Variants in UBE3A observed in about 807,000 individuals in gnomAD.
The protein encoded by UBE3A is ubiquitin-protein ligase E3A.
UBE3A carries 6 observed loss-of-function variants against 83.4 expected under a neutral mutation model. The ratio of observed to expected loss-of-function variants is 0.07; its 90% CI spans 0.04 to 0.14. The LOEUF is 0.14. Among genes scored for constraint, UBE3A ranks in the 10% least tolerant of loss-of-function variants. UBE3A has a pLI of 1.00. For missense variants in UBE3A, 456 were observed against 1,036.1 expected, an observed-to-expected ratio of 0.44 and a Z score of 7.69; for synonymous variants, 337 against 355.4, an observed-to-expected ratio of 0.95 and a Z score of 0.58.
At chr15:25,420,249 G>A (rs1288652177) in intron 1 of UBE3A, among the ~76,000 whole-genome samples, 1 of 152,092 alleles carries the variant, frequency 6.6e-6, no homozygotes, top group East Asian at 1.9e-4. Flanking sequence ...CATTACCAGC[G>A]ATAAACAGAG....
chr15:25,386,025 T>A (rs2083065556), intron 4 of UBE3A, among the ~76,000 whole-genome samples: 1 of 152,146 alleles, frequency 6.6e-6, no homozygotes, highest in African/African-American at 2.4e-5. Flanking sequence ...CAGGAGAAAC[T>A]AGTTAACCAG....
In UBE3A at chr15:25,423,686, C is replaced by T. The variant is rs186270936; in HGVS notation, c.-164-11715G>A. 3.2e-4 allele frequency among the ~76,000 whole-genome samples: 49 copies of T among 151,834 alleles called. No homozygotes were observed. The East Asian group carries it at 9.3e-3, about 29-fold the overall frequency. On this transcript the variant is annotated intron_variant, in intron 1 of 12. Transcript: ENST00000648336. ...CTTTTCCATCCTTTTTTCTGTTTTTCCTCTTTTCCCCCCACAAGCTTATAT... is the reference window on the plus strand; with the variant it reads ...CTTTTCCATCCTTTTTTCTGTTTTTTCTCTTTTCCCCCCACAAGCTTATAT...
At position 25,420,493 on chromosome 15, in the gene UBE3A, T is replaced by C. The variant is rs147235507; in HGVS notation, c.-164-8522A>G. 6.2e-3 allele frequency among the ~76,000 whole-genome samples: 950 copies of C among 152,204 alleles called. 16 individuals are homozygous for C. Among genetic ancestry groups the C allele is most frequent in the Middle Eastern group, 0.01 (3 of 294 alleles). On this transcript the variant is annotated intron_variant, in intron 1 of 12. Coordinates refer to ENST00000648336, the MANE Select transcript of UBE3A (RefSeq NM_130839.5). ...GATACAGAAGAAATACATTTATCTATCTGACAAAGAACATATGTTCTGAAA... is the reference window on the plus strand; with the variant it reads ...GATACAGAAGAAATACATTTATCTACCTGACAAAGAACATATGTTCTGAAA...
chr15:25,405,488 T>A lies in UBE3A; in HGVS notation c.35A>T (p.Gln12Leu). The change falls in exon 4 of 13, where the codon CAG (glutamine) becomes CTG (leucine). Residue 12 changes from glutamine (Q) to leucine (L), a missense_variant. Transcript: ENST00000648336. The stretch of plus-strand genomic sequence containing the variant: ...TCGGCTAGCTTCAATGTCGTCAGAC[T>A]GAGGTTCTCCTGATCTGTAAAATGC... ...ATACKRSGEPQSDDIEASRMK... is the reference protein window; with the variant it reads ...ATACKRSGEPLSDDIEASRMK... 1 of 1,613,926 alleles carries A rather than the reference T, an allele frequency of 6.2e-7. No homozygotes were observed.
intron 4 of UBE3A, among the ~76,000 whole-genome samples, chr15:25,398,794 T>C (rs866563717): frequency 2.8e-5 from 2 of 72,592 alleles, no homozygotes; most frequent in African/African-American, 9.6e-5. Context: ...TATATATATA[T>C]ATATATATAT....
intron 4 of UBE3A, among the ~76,000 whole-genome samples, chr15:25,387,854 G>T (rs540004230): frequency 6.6e-6 from 1 of 152,102 alleles, no homozygotes; most frequent in Non-Finnish European, 1.5e-5. Context: ...TTACGGCCAC[G>T]AATTTGGTAA....
intron 1 of UBE3A, among the ~76,000 whole-genome samples, chr15:25,433,316 T>C (rs567684102): frequency 3.0e-4 from 46 of 152,252 alleles, no homozygotes; most frequent in Admixed American, 9.2e-4. Flanking sequence ...CCTGAGTAGT[T>C]GGGACTACAG....
chr15:25,398,183 A>C (rs1439184705), intron 4 of UBE3A, among the ~76,000 whole-genome samples: 5 of 151,118 alleles, frequency 3.3e-5, no homozygotes, highest in African/African-American at 9.7e-5. Flanking sequence ...AAAAAAAAAA[A>C]AAAAAAAACA....
chr15:25,370,508 A>G lies in UBE3A; in HGVS notation c.1608+58T>C. 6.3e-7 allele frequency: 1 copy of G among 1,596,524 alleles called. No individual in the cohort carries two copies. Among genetic ancestry groups the G allele is most frequent in the East Asian group, 2.2e-5 (1 of 44,760 alleles). On this transcript the variant is annotated intron_variant, in intron 6 of 12. Transcript: ENST00000648336. This position sits in a 1 kb window ranked among gnomAD's most constrained non-coding sequence, Gnocchi z 4.2. ...TTTCAGTCACTTTTAAAATGAATTC[A>G]CTGAACTGTATCATGATATCCCCAT...
At chr15:25,395,615 G>A (rs953449894) in intron 4 of UBE3A, among the ~76,000 whole-genome samples, 1 of 152,158 alleles carries the variant, frequency 6.6e-6, no homozygotes, top group African/African-American at 2.4e-5. Context: ...GTAGGTTTGG[G>A]ATGATGAAAA....
At chr15:25,387,876 T>C (rs959427398) in intron 4 of UBE3A, among the ~76,000 whole-genome samples, 1 of 152,160 alleles carries the variant, frequency 6.6e-6, no homozygotes, top group African/African-American at 2.4e-5. Context: ...CTAGATGAAA[T>C]GAATCAATTC....
intron 4 of UBE3A, among the ~76,000 whole-genome samples, chr15:25,388,576 C>A (rs1300871648): frequency 3.3e-5 from 5 of 152,118 alleles, no homozygotes; most frequent in African/African-American, 4.8e-5. Context: ...ATCCCCACCT[C>A]ACCACTCCAT....
At chr15:25,436,290 A>C (rs1895060600) in intron 1 of UBE3A, among the ~76,000 whole-genome samples, 1 of 152,198 alleles carries the variant, frequency 6.6e-6, no homozygotes, top group South Asian at 2.1e-4. Context: ...TTAGAAAACT[A>C]ATTTTCTTTC....
Position 25,408,547 on chromosome 15 carries a change from G to A in UBE3A, c.20+541C>T, listed in dbSNP as rs2089245678. ...ATTTTAGGTCTTGATTTGAATCGCAGAAAATATGATCACAAAACACCCACT... is the reference window on the plus strand; with the variant it reads ...ATTTTAGGTCTTGATTTGAATCGCAAAAAATATGATCACAAAACACCCACT... On this transcript the variant is annotated intron_variant, in intron 3 of 12. Transcript: ENST00000648336. 40 of 1,584,140 alleles carry A rather than the reference G, an allele frequency of 2.5e-5. No individual in the cohort carries two copies. The South Asian group carries it at 4.2e-4, about 17-fold the overall frequency.
At chr15:25,412,853 G>T (rs1194419982) in intron 1 of UBE3A, among the ~76,000 whole-genome samples, 1 of 152,120 alleles carries the variant, frequency 6.6e-6, no homozygotes, top group Admixed American at 6.5e-5. Context: ...GTCTATAATA[G>T]AATTACCTGG....
chr15:25,398,771 T>TTATATATATATATATATATATATA (rs1159969391), intron 4 of UBE3A, among the ~76,000 whole-genome samples: 2 of 68,962 alleles, frequency 2.9e-5, no homozygotes, highest in African/African-American at 8.9e-5. Flanking sequence ...ATTCTTTTAT[T>TTATATATATATATATATATATATA]TATATATATA....
At chr15:25,355,149 T>G (rs2077049489) in intron 9 of UBE3A, among the ~76,000 whole-genome samples, 1 of 152,156 alleles carries the variant, frequency 6.6e-6, no homozygotes, top group African/African-American at 2.4e-5. Context: ...TATTTATAAA[T>G]GCCAACCGTT....
chr15:25,391,851 A>G (rs1380348058), intron 4 of UBE3A: 1 of 152,296 alleles, frequency 6.6e-6, no homozygotes, highest in Non-Finnish European at 1.5e-5. Context: ...ATGCCTGTAG[A>G]CATGGGAAGC....
intron 11 of UBE3A, among the ~76,000 whole-genome samples, chr15:25,343,132 C>CCTAAAGCCACACA (rs2075131295): frequency 1.3e-5 from 2 of 152,172 alleles, no homozygotes; most frequent in Admixed American, 6.5e-5. Context: ...CAATTCCTCC[C>CCTAAAGCCACACA]TGCTCCACCA....
Sources: gnomAD v4.1 joint callset for allele counts (sites outside exome capture counted in the v4.1 genomes callset) on GRCh38, gnomAD v4.1.1 for gene constraint, Gnocchi (gnomAD v3.1) non-coding constraint, MANE v1.5 for transcripts, NCBI Gene and HGNC (gene_info 2026-07-23, HGNC 2026-07-21) for gene names.